Variants in CDKL5 observed in about 807,000 individuals in gnomAD.
CDKL5 encodes the protein cyclin-dependent kinase-like 5.
Under a neutral mutation model 61.7 loss-of-function variants are expected in CDKL5, and 8 were observed. That is an observed-to-expected ratio of 0.13 (90% CI 0.08 to 0.23). The LOEUF is 0.23. Ranked by LOEUF, CDKL5 falls within the 10% of genes least tolerant of loss-of-function variation. CDKL5 has a pLI of 1.00. For synonymous variants in CDKL5, 275 were observed against 272.3 expected (o/e 1.01, Z -0.10); for missense variants, 440 against 734.5 (o/e 0.60, Z 4.63).
chrX:18,615,291 GA>G (rs1489530796), intron 15 of CDKL5, among the ~76,000 whole-genome samples: 3 of 111,895 alleles, frequency 2.7e-5, no homozygotes, highest in Non-Finnish European at 5.6e-5. Flanking sequence ...GACTCATCTT[GA>G]TTTTTTTTCT....
At chrX:18,599,668 T>A (rs1333198325) in intron 11 of CDKL5, among the ~76,000 whole-genome samples, 1 of 111,495 alleles carries the variant, frequency 9.0e-6, no homozygotes, top group African/African-American at 3.3e-5. Context: ...TTGCTCATGA[T>A]GGTCTCAAAC....
chrX:18,625,323 G>C, intron 17 of CDKL5, 76 bp downstream of exon 17: 1 of 1,106,243 alleles, frequency 9.0e-7, no homozygotes, highest in Non-Finnish European at 1.2e-6. Context: ...GGGCATGCTA[G>C]AGAAAACTTA....
chrX:18,531,675 A>G (rs911750532), intron 3 of CDKL5, among the ~76,000 whole-genome samples: 1 of 109,810 alleles, frequency 9.1e-6, no homozygotes, highest in East Asian at 2.8e-4. Flanking sequence ...CTGATTTTCA[A>G]TTTGTTAGGG....
chrX:18,609,034 T>C (rs1457396756), intron 13 of CDKL5, 122 bp downstream of exon 13: 3 of 529,714 alleles, frequency 5.7e-6, no homozygotes, highest in Non-Finnish European at 9.7e-6. Flanking sequence ...GTAAGTAGTT[T>C]TCCTTGTGGC....
At chrX:18,572,430 C>T in intron 4 of CDKL5, among the ~76,000 whole-genome samples, 1 of 112,101 alleles carries the variant, frequency 8.9e-6, no homozygotes, top group Non-Finnish European at 1.9e-5. Context: ...TTTATGGACG[C>T]TCTTAATGAT....
intron 16 of CDKL5, among the ~76,000 whole-genome samples, chrX:18,621,445 T>C (rs1233504541): frequency 8.9e-6 from 1 of 112,096 alleles, no homozygotes; most frequent in African/African-American, 3.2e-5. Context: ...AAAGATCGTT[T>C]TAAATCTTAA....
At chrX:18,440,888 G>T (rs141594957) in intron 1 of CDKL5, among the ~76,000 whole-genome samples, 1 of 111,626 alleles carries the variant, frequency 9.0e-6, no homozygotes, top group Admixed American at 9.6e-5. Flanking sequence ...AGGTGTTGGC[G>T]CAAAGAAAGC....
rs181481938 is a variant in CDKL5, at chrX:18,646,956, G to A, written c.2797+866G>A. Among the ~76,000 whole-genome samples the A allele has an allele frequency of 6.7e-3, 737 of 110,323 alleles. 1 individual carries two copies. The highest frequency in any genetic ancestry group is 9.7e-3 in the Non-Finnish European group (511 of 52,784). ...TTTTGAGACAGGGTCTCACTCTGTCGCCCAGGCTGTAGTGCAGTGGTGTGA... is the reference window on the plus strand; with the variant it reads ...TTTTGAGACAGGGTCTCACTCTGTCACCCAGGCTGTAGTGCAGTGGTGTGA... On this transcript the variant is annotated intron_variant, in intron 20 of 21. Transcript: ENST00000379989.
chrX:18,432,245 T>C (rs1931511850), intron 1 of CDKL5, among the ~76,000 whole-genome samples: 1 of 108,766 alleles, frequency 9.2e-6, no homozygotes, highest in African/African-American at 3.4e-5. Flanking sequence ...ATTACAGGCA[T>C]GTCCACCATG....
At chrX:18,560,210 T>C (rs1442433871) in intron 3 of CDKL5, among the ~76,000 whole-genome samples, 1 of 111,914 alleles carries the variant, frequency 8.9e-6, no homozygotes, top group Non-Finnish European at 1.9e-5. Context: ...ATCGCCACAC[T>C]AACTTCCACA....
chrX:18,651,900 A>T (rs1038595445), intron 21 of CDKL5, among the ~76,000 whole-genome samples: 2 of 110,407 alleles, frequency 1.8e-5, no homozygotes, highest in Non-Finnish European at 3.8e-5. Context: ...TCAGGTCCAC[A>T]TGTGGCCTGC....
intron 1 of CDKL5, among the ~76,000 whole-genome samples, chrX:18,475,706 G>A (rs1478184182): frequency 1.8e-5 from 2 of 111,992 alleles, no homozygotes; most frequent in African/African-American, 3.2e-5. Flanking sequence ...ATTTATTTTA[G>A]CCTTCTAATA....
At chrX:18,621,637 C>T (rs907360667) in intron 16 of CDKL5, among the ~76,000 whole-genome samples, 14 of 110,598 alleles carry the variant, frequency 1.3e-4, no homozygotes, top group Admixed American at 1.1e-3. Flanking sequence ...CTATCTATAT[C>T]TACATGCACA....
intron 1 of CDKL5, among the ~76,000 whole-genome samples, chrX:18,467,367 T>C (rs946245545): frequency 1.7e-4 from 19 of 111,511 alleles, no homozygotes; most frequent in African/African-American, 6.2e-4. Flanking sequence ...CAAAATGTTA[T>C]ATAAACTGCA....
intron 1 of CDKL5, chrX:18,426,104 G>A (rs1237521296): frequency 8.9e-6 from 1 of 112,491 alleles, no homozygotes; most frequent in Non-Finnish European, 1.9e-5. Flanking sequence ...CCGGCGCCGA[G>A]GAGGGGCCTG....
At chrX:18,505,626 T>G (rs1490307125) in intron 1 of CDKL5, among the ~76,000 whole-genome samples, 1 of 112,129 alleles carries the variant, frequency 8.9e-6, no homozygotes, top group African/African-American at 3.2e-5. Flanking sequence ...CTCTTGCTTC[T>G]TGTGATTAGA....
chrX:18,474,904 A>G (rs1921246143), intron 1 of CDKL5, among the ~76,000 whole-genome samples: 1 of 111,085 alleles, frequency 9.0e-6, no homozygotes, highest in South Asian at 3.7e-4. Context: ...ACATTTTCTC[A>G]TTTTGTATTC....
At chrX:18,466,195 C>A (rs1230650152) in intron 1 of CDKL5, among the ~76,000 whole-genome samples, 1 of 111,478 alleles carries the variant, frequency 9.0e-6, no homozygotes, top group Non-Finnish European at 1.9e-5. Flanking sequence ...ATCATTATTA[C>A]TGGAAGCAGA....
chrX:18,598,421 C>T, intron 10 of CDKL5, 41 bp from the exon 11 acceptor site: 1 of 1,129,231 alleles, frequency 8.9e-7, no homozygotes, highest in Non-Finnish European at 1.2e-6. Context: ...TTAAATTTGA[C>T]TTTGTAATGT....
Sources: gnomAD v4.1 joint callset for allele counts (sites outside exome capture counted in the v4.1 genomes callset) on GRCh38, gnomAD v4.1.1 for gene constraint, MANE v1.5 for transcripts, NCBI Gene and HGNC (gene_info 2026-07-23, HGNC 2026-07-21) for gene names.